The following GABRA5 variants were observed in gnomAD, a reference collection of about 807,000 sequenced individuals.
GABRA5 encodes gamma-aminobutyric acid receptor subunit alpha-5.
In GABRA5, 18 loss-of-function variants were observed where a neutral mutation model predicts 47.3. The ratio of observed to expected loss-of-function variants is 0.38; its 90% CI spans 0.26 to 0.56. GABRA5 has a LOEUF of 0.56. Among genes scored for constraint, GABRA5 ranks in the 20% least tolerant of loss-of-function variants. GABRA5 has a pLI of 0.71. For missense variants in GABRA5, 365 were observed against 599.3 expected (o/e 0.61, Z 4.08); for synonymous variants, 237 against 229.3 (o/e 1.03, Z -0.30).
rs541688060 is a variant in GABRA5, at chr15:26,924,727, T to C, written c.580+9842T>C. Among the ~76,000 whole-genome samples the C allele has an allele frequency of 4.1e-4, 63 of 152,286 alleles. No individual in the cohort carries two copies. In the East Asian group the frequency reaches 5.2e-3, roughly 13 times the overall value. On this transcript the variant is annotated intron_variant, in intron 7 of 10. Coordinates refer to ENST00000335625, the MANE Select transcript of GABRA5 (RefSeq NM_000810.4). The stretch of plus-strand genomic sequence containing the variant: ...GGGCCACGTTTTTTGGGGGGATGCT[T>C]GGTTGGAGTACAGTGGCCAGTGTCT...
chr15:26,947,086 T>C (rs1218850097), intron 10 of GABRA5, among the ~76,000 whole-genome samples: 1 of 152,236 alleles, frequency 6.6e-6, no homozygotes, highest in Non-Finnish European at 1.5e-5. Flanking sequence ...ATCTTAGGGC[T>C]TCCCTTATAT....
chr15:26,899,989 TTTAA>T (rs1893288374), intron 6 of GABRA5, among the ~76,000 whole-genome samples: 1 of 152,262 alleles, frequency 6.6e-6, no homozygotes, highest in Non-Finnish European at 1.5e-5. Context: ...TTCTTTTGTG[TTTAA>T]TTGATGTTTT....
At chr15:26,909,267 C>T (rs1409637278) in intron 6 of GABRA5, among the ~76,000 whole-genome samples, 2 of 152,176 alleles carry the variant, frequency 1.3e-5, no homozygotes, top group Non-Finnish European at 2.9e-5. Context: ...CTCCCATTTT[C>T]CTCTTCTACG....
intron 7 of GABRA5, among the ~76,000 whole-genome samples, chr15:26,919,895 C>CT (rs919231776): frequency 4.6e-5 from 7 of 151,800 alleles, no homozygotes; most frequent in Admixed American, 2.0e-4. Flanking sequence ...GCCAGGTATA[C>CT]TTTTTTTTCA....
At chr15:26,937,142 A>G (rs748424282) in intron 7 of GABRA5, 43 bp from the exon 8 acceptor site, 4 of 1,607,526 alleles carry the variant, frequency 2.5e-6, no homozygotes, top group South Asian at 1.1e-5. Flanking sequence ...CAGGCTGGGA[A>G]TGATTTCATG....
At chr15:26,934,666 C>A (rs537282181) in intron 7 of GABRA5, among the ~76,000 whole-genome samples, 3 of 152,100 alleles carry the variant, frequency 2.0e-5, no homozygotes, top group African/African-American at 7.2e-5. Context: ...GTTTTTTCCC[C>A]GATCTACAGA....
At chr15:26,892,097 A>G (rs1368593385) in intron 6 of GABRA5, among the ~76,000 whole-genome samples, 1 of 152,384 alleles carries the variant, frequency 6.6e-6, no homozygotes, top group East Asian at 1.9e-4. Context: ...CTGCTGGAGA[A>G]GGAAGACTTG....
chr15:26,921,977 T>C (rs1278273963), intron 7 of GABRA5, among the ~76,000 whole-genome samples: 1 of 152,202 alleles, frequency 6.6e-6, no homozygotes, highest in East Asian at 1.9e-4. Flanking sequence ...ATTACAATTC[T>C]TTTAAATTTG....
chr15:26,906,366 CTT>C (rs1181096264), intron 6 of GABRA5, among the ~76,000 whole-genome samples: 1 of 152,184 alleles, frequency 6.6e-6, no homozygotes, highest in Admixed American at 6.5e-5. Context: ...TTAAAACACT[CTT>C]TCAGTGCCTA....
intron 7 of GABRA5, among the ~76,000 whole-genome samples, chr15:26,933,413 G>C (rs1894156956): frequency 1.3e-5 from 2 of 152,228 alleles, no homozygotes; most frequent in African/African-American, 4.8e-5. Context: ...ATTGGAGTAT[G>C]AGGGAGGGGT....
intron 7 of GABRA5, among the ~76,000 whole-genome samples, chr15:26,927,964 C>T (rs890119358): frequency 3.3e-5 from 5 of 152,228 alleles, no homozygotes; most frequent in Admixed American, 2.0e-4. Flanking sequence ...GGATGTTTCT[C>T]GGTCCATAAG....
Position 26,933,869 on chromosome 15 carries a change from T to G in GABRA5, c.581-3316T>G, listed in dbSNP as rs79813610. On this transcript the variant is annotated intron_variant, in intron 7 of 10. Transcript: ENST00000335625. ...GATAACATGTCTTTATCTGTTTGTA[T>G]TTTTCAAAGTTTTACCATTGATGTG... Among the ~76,000 whole-genome samples, 1,535 of 152,306 alleles carry G rather than the reference T, an allele frequency of 0.01. 109 individuals are homozygous for G. In the East Asian group the frequency reaches 0.18, roughly 18 times the overall value.
intron 3 of GABRA5, among the ~76,000 whole-genome samples, chr15:26,876,549 G>T (rs1424709417): frequency 6.6e-6 from 1 of 152,192 alleles, no homozygotes; most frequent in Non-Finnish European, 1.5e-5. Context: ...ACCAAGACTT[G>T]ATCTTCAGAT....
chr15:26,930,003 CTTCTT>C lies in GABRA5; in HGVS notation c.581-7179_581-7175del, dbSNP rs1350090362. 3.9e-3 allele frequency among the ~76,000 whole-genome samples: 443 copies of C among 114,972 alleles called. 3 individuals are homozygous for C. Among genetic ancestry groups the C allele is most frequent in the African/African-American group, 0.013 (365 of 29,090 alleles). The allele number at this position is 114,972 out of a possible 152,430, so 75.4% of individuals were successfully genotyped here. A position where few individuals can be genotyped will look rare whatever the true frequency, so the allele number is the denominator to read the frequency against. ...CTTCTTTCTTCTTCTTCTTCTTCTT[CTTCTT>C]TTTTTTTTTTTTTTGTTTTTTGTTT... On this transcript the variant is annotated intron_variant, in intron 7 of 10. Coordinates refer to ENST00000335625, the MANE Select transcript of GABRA5 (RefSeq NM_000810.4).
intron 6 of GABRA5, among the ~76,000 whole-genome samples, chr15:26,886,105 C>T (rs1892872075): frequency 6.6e-6 from 1 of 152,112 alleles, no homozygotes; most frequent in Admixed American, 6.5e-5. Flanking sequence ...CTGCAACCTC[C>T]ACCTCCCGGG....
intron 1 of GABRA5, chr15:26,868,123 G>A (rs1441634307): frequency 1.3e-5 from 2 of 151,934 alleles, no homozygotes; most frequent in African/African-American, 4.8e-5. Context: ...GGGGTCCGGA[G>A]GGTCGTGGGA....
rs1332922385 is a variant in GABRA5, at chr15:26,871,392, A to G, written c.86+2058A>G. On this transcript the variant is annotated intron_variant, in intron 3 of 10. Transcript: ENST00000335625. ...TTTAGTTCTGTAGCTTGCTGAGGTCATCTTCAAAATAGAGGGGTATCTTAG... is the reference window on the plus strand; with the variant it reads ...TTTAGTTCTGTAGCTTGCTGAGGTCGTCTTCAAAATAGAGGGGTATCTTAG... Among the ~76,000 whole-genome samples the G allele has an allele frequency of 2.0e-5, 3 of 152,200 alleles. No homozygotes were observed. In the East Asian group the frequency reaches 5.8e-4, roughly 29 times the overall value.
chr15:26,944,198 G>A (rs909018383), intron 10 of GABRA5, among the ~76,000 whole-genome samples: 10 of 152,172 alleles, frequency 6.6e-5, no homozygotes, highest in South Asian at 2.1e-4. Context: ...GAGAGGCCTC[G>A]AAGTGTAAGT....
chr15:26,931,944 C>T (rs1365698187), intron 7 of GABRA5, among the ~76,000 whole-genome samples: 2 of 152,110 alleles, frequency 1.3e-5, no homozygotes, highest in African/African-American at 4.8e-5. Flanking sequence ...GGACTCCTCC[C>T]TTACACCTTA....
Sources: allele counts gnomAD v4.1 joint callset (sites outside exome capture counted in the v4.1 genomes callset), GRCh38; gene constraint gnomAD v4.1.1; transcripts MANE v1.5; gene names NCBI Gene and HGNC (gene_info 2026-07-23, HGNC 2026-07-21).